CDC5L: variants seen among roughly 807,000 people sequenced by gnomAD.
The protein encoded by CDC5L is cell division cycle 5 like.
A neutral mutation model predicts 104.1 loss-of-function variants in CDC5L; 18 were observed. The ratio of observed to expected loss-of-function variants is 0.17; its 90% CI spans 0.12 to 0.26. The LOEUF is 0.26. Ranked by LOEUF, CDC5L falls within the 10% of genes least tolerant of loss-of-function variation. The pLI, the probability that CDC5L is intolerant of heterozygous loss-of-function variation, is 1.00. For synonymous variants in CDC5L, 331 were observed against 322.7 expected, an observed-to-expected ratio of 1.03 and a Z score of -0.28; for missense variants, 673 against 956.9, an observed-to-expected ratio of 0.70 and a Z score of 3.91.
intron 8 of CDC5L, among the ~76,000 whole-genome samples, chr6:44,417,119 G>C (rs1791943464): frequency 6.6e-6 from 1 of 152,198 alleles, no homozygotes; most frequent in African/African-American, 2.4e-5. Flanking sequence ...GGAGTGGTTA[G>C]TCTGTGCTCC....
chr6:44,399,814 C>T (rs561269127), intron 5 of CDC5L, among the ~76,000 whole-genome samples: 4 of 152,044 alleles, frequency 2.6e-5, no homozygotes, highest in Non-Finnish European at 4.4e-5. Flanking sequence ...CCACCACACC[C>T]GGCTAATTTT....
chr6:44,387,720 G>T lies in CDC5L; in HGVS notation c.-104G>T. 1 of 1,016,868 alleles carries T rather than the reference G, an allele frequency of 9.8e-7. No homozygotes were observed. The highest frequency in any genetic ancestry group is 1.5e-6 in the Non-Finnish European group (1 of 665,512). 63.0% of individuals were successfully genotyped at this position (1,016,868 alleles called of 1,614,324 possible). On this transcript the variant is annotated 5_prime_UTR_variant, in exon 1 of 16. Transcript: ENST00000371477. The stretch of plus-strand genomic sequence containing the variant: ...CTTGCGCAGATCTTCAAAGCAGAAG[G>T]TCGCGCTTGGAGGAAGTGGCGGCTT...
intron 5 of CDC5L, among the ~76,000 whole-genome samples, chr6:44,402,104 G>A (rs929987859): frequency 2.7e-4 from 39 of 143,218 alleles, no homozygotes; most frequent in East Asian, 1.6e-3. Context: ...GAATAGTGCC[G>A]CAGTAAACAT....
At chr6:44,411,637 A>AGTGTGTGTGTGTGTGTGTGTGTGT (rs55826820) in intron 8 of CDC5L, among the ~76,000 whole-genome samples, 132 of 123,310 alleles carry the variant, frequency 1.1e-3, no homozygotes, top group East Asian at 9.9e-3. Context: ...AGAGAGAGAG[A>AGTGTGTGTGTGTGTGTGTGTGTGT]GTGTGTGTGT....
At chr6:44,414,567 G>C (rs1272489255) in intron 8 of CDC5L, among the ~76,000 whole-genome samples, 1 of 151,300 alleles carries the variant, frequency 6.6e-6, no homozygotes, top group Non-Finnish European at 1.5e-5. Flanking sequence ...TGAACTCCTG[G>C]CTTCAAGATT....
At chr6:44,440,948 T>TC (rs1251949157) in intron 14 of CDC5L, among the ~76,000 whole-genome samples, 18 of 152,156 alleles carry the variant, frequency 1.2e-4, no homozygotes, top group African/African-American at 4.1e-4. Context: ...CCTCAAGTGA[T>TC]CCATCCACCT....
chr6:44,440,895 A>G (rs934143999), intron 14 of CDC5L, among the ~76,000 whole-genome samples: 4 of 151,868 alleles, frequency 2.6e-5, no homozygotes, highest in Non-Finnish European at 5.9e-5. Context: ...TTTAATAGAG[A>G]TGGCGTTTCA....
intron 7 of CDC5L, 35 bp downstream of exon 7, chr6:44,406,502 AT>A: frequency 6.4e-7 from 1 of 1,562,784 alleles, no homozygotes; most frequent in Non-Finnish European, 8.7e-7. Flanking sequence ...CACTATGTGA[AT>A]TTATATGCTT....
chr6:44,413,863 G>A (rs1791777452), intron 8 of CDC5L, among the ~76,000 whole-genome samples: 2 of 152,174 alleles, frequency 1.3e-5, no homozygotes, highest in African/African-American at 2.4e-5. Context: ...GGGATTACAG[G>A]CATCAGCCAC....
At chr6:44,420,021 C>A (rs978698789) in intron 9 of CDC5L, among the ~76,000 whole-genome samples, 12 of 152,118 alleles carry the variant, frequency 7.9e-5, no homozygotes, top group Admixed American at 2.6e-4. Flanking sequence ...TAGATTGATT[C>A]ATTTTTAATG....
intron 13 of CDC5L, among the ~76,000 whole-genome samples, chr6:44,428,822 A>G (rs1792542145): frequency 6.6e-6 from 1 of 152,156 alleles, no homozygotes; most frequent in East Asian, 1.9e-4. Flanking sequence ...GCATTCCTTC[A>G]GGATGAGAAA....
In CDC5L at chr6:44,408,563, C is replaced by T. The variant is rs779796790; in HGVS notation, c.1023C>T (p.Tyr341=). The change falls in exon 8 of 16, where the codon TAC becomes TAT. Residue 341 remains tyrosine (Y), a synonymous_variant. Coordinates refer to ENST00000371477, the MANE Select transcript of CDC5L (RefSeq NM_001253.4). ...NSASSTLLSE[Y]NVTNNSVALR... ...CTTCCAGTACACTTTTGTCTGAGTACAATGTCACCAACAACAGCGTTGCTC... is the reference window on the plus strand; with the variant it reads ...CTTCCAGTACACTTTTGTCTGAGTATAATGTCACCAACAACAGCGTTGCTC... 2 of 1,613,764 alleles carry T rather than the reference C, an allele frequency of 1.2e-6. No individual in the cohort carries two copies. The highest frequency in any genetic ancestry group is 8.5e-7 in the Non-Finnish European group (1 of 1,179,824).
intron 14 of CDC5L, among the ~76,000 whole-genome samples, chr6:44,443,152 C>CT (rs1450350326): frequency 9.7e-4 from 135 of 139,722 alleles, no homozygotes; most frequent in Non-Finnish European, 1.3e-3. Context: ...CTTTTCTTTT[C>CT]TTTTTTTTCT....
chr6:44,400,083 CTT>C (rs1389150918), intron 5 of CDC5L, among the ~76,000 whole-genome samples: 2 of 151,936 alleles, frequency 1.3e-5, no homozygotes, highest in Admixed American at 6.6e-5. Flanking sequence ...ATTTCTGTCT[CTT>C]TACTGATATT....
At chr6:44,394,885 AT>A (rs1487184307) in intron 4 of CDC5L, among the ~76,000 whole-genome samples, 27 of 27,458 alleles carry the variant, frequency 9.8e-4, no homozygotes, top group Admixed American at 5.3e-3. Flanking sequence ...AAAAAAAAAA[AT>A]GGTATACACA....
chr6:44,421,490 A>G (rs2153380959), intron 9 of CDC5L, among the ~76,000 whole-genome samples: 1 of 152,322 alleles, frequency 6.6e-6, no homozygotes, highest in African/African-American at 2.4e-5. Context: ...TGACAGCAGA[A>G]CCAAGAAGCA....
intron 5 of CDC5L, among the ~76,000 whole-genome samples, chr6:44,401,502 A>G (rs577439560): frequency 6.6e-6 from 1 of 152,188 alleles, no homozygotes; most frequent in Admixed American, 6.5e-5. Context: ...CCTGGAATGA[A>G]AGCCCTACTA....
intron 13 of CDC5L, 90 bp downstream of exon 13, chr6:44,426,814 G>T (rs756324612): frequency 5.4e-5 from 70 of 1,291,190 alleles, no homozygotes; most frequent in Non-Finnish European, 7.5e-5. Flanking sequence ...ATTTTTCCCT[G>T]TTGGTATTCA....
chr6:44,426,630 G>A lies in CDC5L; in HGVS notation c.1799G>A (p.Gly600Asp), dbSNP rs758657978. 5.0e-6 allele frequency: 8 copies of A among 1,613,384 alleles called. No homozygotes were observed. The highest frequency in any genetic ancestry group is 6.8e-6 in the Non-Finnish European group (8 of 1,179,592). Reference protein sequence around the residue: ...HPYEPSGNKKGKTVGFGTNNS... With the variant: ...HPYEPSGNKKDKTVGFGTNNS... ...TATGAACCATCTGGAAATAAAAAAG[G>A]CAAAACTGTAGGGTTTGGTACCAAT... Residue 600 changes from glycine to aspartate, a missense_variant, in exon 13 of 16, where the codon GGC (glycine) becomes GAC (aspartate). By Grantham distance (94) the Gly-to-Asp change is moderately conservative. This residue lies in a region of CDC5L where 578 missense variants were observed against 737.0 expected (regional missense o/e 0.78). Coordinates refer to ENST00000371477, the MANE Select transcript of CDC5L (RefSeq NM_001253.4).
Sources: gnomAD v4.1 joint callset for allele counts (sites outside exome capture counted in the v4.1 genomes callset) on GRCh38, gnomAD v4.1.1 for gene constraint, gnomAD v4.1.1 regional missense constraint, MANE v1.5 for transcripts, NCBI Gene and HGNC (gene_info 2026-07-23, HGNC 2026-07-21) for gene names.